The following PANX2 variants were observed in gnomAD, a reference collection of about 807,000 sequenced individuals.
The protein encoded by PANX2 is pannexin 2, also known as pannexin-2.
A neutral mutation model predicts 38.7 loss-of-function variants in PANX2; 30 were observed. That is an observed-to-expected ratio of 0.78 (90% CI 0.58 to 1.05). The LOEUF is 1.05. Among genes scored for constraint, PANX2 ranks in the 50% least tolerant of loss-of-function variants. The pLI is 0.00. For missense variants in PANX2, 880 were observed against 979.3 expected (o/e 0.90, Z 1.35); for synonymous variants, 539 against 472.1 (o/e 1.14, Z -1.84).
Position 50,177,477 on chromosome 22 carries a change from C to T in PANX2, c.765C>T (p.Asn255=). 1.9e-6 allele frequency: 3 copies of T among 1,609,128 alleles called. No individual in the cohort carries two copies. The highest frequency in any genetic ancestry group is 2.5e-6 in the Non-Finnish European group (3 of 1,178,292). Reference sequence around the variant, plus strand: ...CCTACTACGCCACGCAGAAGCAGAACGAGTTCACCTGCGCGCTGGGCGCGT... The same window carrying T: ...CCTACTACGCCACGCAGAAGCAGAATGAGTTCACCTGCGCGCTGGGCGCGT... ...LCTYYATQKQ[N]EFTCALGASP... The change falls in exon 2 of 3, where the codon AAC becomes AAT. Residue 255 remains asparagine (N), a synonymous_variant. Coordinates refer to ENST00000395842, the MANE Select transcript of PANX2 (RefSeq NM_052839.4).
Position 50,173,100 on chromosome 22 carries a change from G to A in PANX2, c.226+2144G>A, listed in dbSNP as rs547410102. On this transcript the variant is annotated intron_variant, in intron 1 of 2. Coordinates refer to ENST00000395842, the MANE Select transcript of PANX2 (RefSeq NM_052839.4). Reference sequence around the variant, plus strand: ...TTTAGTAGAGACGGGGTTTTGCCATGTTGGCCAGGATGGTCTCGATCTCCT... The same window carrying A: ...TTTAGTAGAGACGGGGTTTTGCCATATTGGCCAGGATGGTCTCGATCTCCT... Among the ~76,000 whole-genome samples the A allele has an allele frequency of 1.0e-3, 156 of 152,254 alleles. 3 individuals carry two copies. Among genetic ancestry groups the A allele is most frequent in the Non-Finnish European group, 3.1e-4 (21 of 68,016 alleles).
At chr22:50,172,885 C>T (rs797008941) in intron 1 of PANX2, among the ~76,000 whole-genome samples, 518 of 145,346 alleles carry the variant, frequency 3.6e-3, no homozygotes, top group South Asian at 0.021. Flanking sequence ...CCCGCCACCA[C>T]GCCTGGCTCA....
intron 2 of PANX2, 88 bp from the exon 3 acceptor site, chr22:50,178,846 T>A: frequency 8.2e-7 from 1 of 1,220,552 alleles, no homozygotes; most frequent in Middle Eastern, 2.0e-4. Flanking sequence ...CCGTGAGCCC[T>A]GCTCCCCCGC....
chr22:50,178,939 C>T lies in PANX2; in HGVS notation c.1696C>T (p.Pro566Ser). The T allele has an allele frequency of 6.4e-7, 1 of 1,567,848 alleles. No homozygotes were observed. Among genetic ancestry groups the T allele is most frequent in the Non-Finnish European group, 8.7e-7 (1 of 1,155,054 alleles). ...GLAPAPIKDA[P>S]LPEKEIPYPT... ...GTGCTCTTGGCTGTTTGCAGATGCT[C>T]CGCTCCCCGAGAAGGAAATCCCGTA... is the stretch of plus-strand genomic sequence containing the variant. Residue 566 changes from proline to serine, a missense_variant, in exon 3 of 3, where the codon CCG (proline) becomes TCG (serine). This residue lies in a region of PANX2 where 445 missense variants were observed against 404.3 expected (regional missense o/e 1.10). Coordinates refer to ENST00000395842, the MANE Select transcript of PANX2 (RefSeq NM_052839.4).
At position 50,179,537 on chromosome 22, in the gene PANX2, G is replaced by A. The variant is rs978571023; in HGVS notation, c.*260G>A. 13 of 518,152 alleles carry A rather than the reference G, an allele frequency of 2.5e-5. No homozygotes were observed. The highest frequency in any genetic ancestry group is 7.1e-5 in the South Asian group (3 of 42,390). The allele number at this position is 518,152 out of a possible 1,614,324, so 32.1% of individuals were successfully genotyped here. On this transcript the variant is annotated 3_prime_UTR_variant, in exon 3 of 3. Coordinates refer to ENST00000395842, the MANE Select transcript of PANX2 (RefSeq NM_052839.4). ...CCGGTGGCCAGGAAGGCTGAAGCCC[G>A]CTTCCCATGCTCCTGCATCAGGTGC...
chr22:50,176,961 C>A lies in PANX2; in HGVS notation c.249C>A (p.Thr83=). Residue 83 remains threonine, a synonymous_variant, in exon 2 of 3, where the codon ACC becomes ACA. Coordinates refer to ENST00000395842, the MANE Select transcript of PANX2 (RefSeq NM_052839.4). ...CAGAGGAACCCATTTACTGTTACAC[C>A]CCGCACAACTTCACGCGCGACCAGG... is the stretch of plus-strand genomic sequence containing the variant. ...NFAEEPIYCY[T]PHNFTRDQAL... is the part of the protein sequence containing the mutation. 6.4e-7 allele frequency: 1 copy of A among 1,553,324 alleles called. No homozygotes were observed. The highest frequency in any genetic ancestry group is 8.6e-7 in the Non-Finnish European group (1 of 1,157,618).
intron 1 of PANX2, among the ~76,000 whole-genome samples, chr22:50,173,053 T>G (rs909589821): frequency 6.6e-6 from 1 of 152,078 alleles, no homozygotes; most frequent in East Asian, 1.9e-4. Context: ...CCCGCCACCA[T>G]GCCCGGCTAA....
chr22:50,177,515 C>T lies in PANX2; in HGVS notation c.803C>T (p.Ala268Val). The change falls in exon 2 of 3, where the codon GCG becomes GTG. Residue 268 changes from alanine to valine, a missense_variant. Physicochemically the swap from Ala to Val is moderately conservative, Grantham distance 64. Transcript: ENST00000395842. ...GCGCTGGGCGCGTCCCCGGACGGGG[C>T]GGCAGGTGCGGGGCCCGCGGTGCGC... The part of the protein sequence containing the change: ...TCALGASPDG[A>V]AGAGPAVRVS... 1 of 1,609,208 alleles carries T rather than the reference C, an allele frequency of 6.2e-7. No individual in the cohort carries two copies. The highest frequency in any genetic ancestry group is 8.5e-7 in the Non-Finnish European group (1 of 1,178,168).
At chr22:50,175,116 C>A (rs558513646) in intron 1 of PANX2, among the ~76,000 whole-genome samples, 1 of 152,228 alleles carries the variant, frequency 6.6e-6, no homozygotes, top group African/African-American at 2.4e-5. Flanking sequence ...CTTGCTGCCG[C>A]CATCCGGCAG....
At position 50,179,697 on chromosome 22, in the gene PANX2, G is replaced by A. The variant is rs1375631200; in HGVS notation, c.*420G>A. 1 of 193,572 alleles carries A rather than the reference G, an allele frequency of 5.2e-6. No individual in the cohort carries two copies. Among genetic ancestry groups the A allele is most frequent in the Non-Finnish European group, 1.1e-5 (1 of 92,636 alleles). The allele number at this position is 193,572 out of a possible 1,614,324, so 12.0% of individuals were successfully genotyped here. On this transcript the variant is annotated 3_prime_UTR_variant, in exon 3 of 3. Coordinates refer to ENST00000395842, the MANE Select transcript of PANX2 (RefSeq NM_052839.4). The stretch of plus-strand genomic sequence containing the variant: ...CCCAGAGCCAGGGAAGAGGAAGGTG[G>A]GGCCAGTCCCACCAGTGGGGTGGCC...
At position 50,170,910 on chromosome 22, in the gene PANX2, G is replaced by A. The variant is rs778297753; in HGVS notation, c.180G>A (p.Leu60=). Residue 60 remains leucine (L), a synonymous_variant, in exon 1 of 3, where the codon CTG becomes CTA. Coordinates refer to ENST00000395842, the MANE Select transcript of PANX2 (RefSeq NM_052839.4). ...GGGTGGTCACCATCGGCACCGTGCT[G>A]GTGCCCATCCTGCTGGTCACCCTGG... ...FDRVVTIGTV[L]VPILLVTLVF... is the part of the protein sequence containing the mutation. The A allele has an allele frequency of 6.5e-7, 1 of 1,530,292 alleles. No homozygotes were observed. The highest frequency in any genetic ancestry group is 8.8e-7 in the Non-Finnish European group (1 of 1,138,784). 94.8% of individuals were successfully genotyped at this position (1,530,292 alleles called of 1,614,324 possible).
chr22:50,174,689 G>C (rs1029401897), intron 1 of PANX2, among the ~76,000 whole-genome samples: 2 of 152,240 alleles, frequency 1.3e-5, no homozygotes, highest in African/African-American at 4.8e-5. Flanking sequence ...ACTGGCCCAG[G>C]CAGGGTCCCA....
intron 1 of PANX2, among the ~76,000 whole-genome samples, chr22:50,173,117 C>G (rs139948926): frequency 2.0e-5 from 3 of 151,946 alleles, no homozygotes; most frequent in Non-Finnish European, 4.4e-5. Context: ...AGGATGGTCT[C>G]GATCTCCTGA....
chr22:50,175,114 C>T (rs1004337360), intron 1 of PANX2, among the ~76,000 whole-genome samples: 13 of 152,164 alleles, frequency 8.5e-5, no homozygotes, highest in African/African-American at 3.1e-4. Flanking sequence ...CCCTTGCTGC[C>T]GCCATCCGGC....
chr22:50,179,087 C>G lies in PANX2; in HGVS notation c.1844C>G (p.Thr615Ser), dbSNP rs1276080896. The G allele has an allele frequency of 6.2e-7, 1 of 1,611,606 alleles. No individual in the cohort carries two copies. Among genetic ancestry groups the G allele is most frequent in the Admixed American group, 1.7e-5 (1 of 59,870 alleles). The change falls in exon 3 of 3, where the codon ACC (threonine) becomes AGC (serine). Residue 615 changes from threonine to serine, a missense_variant. By Grantham distance (58) the Thr-to-Ser change is moderately conservative (BLOSUM62 1). Around this residue, in one of 4 missense-constraint regions of PANX2, gnomAD observed 445 missense variants for 404.3 expected, o/e 1.10. Transcript: ENST00000395842. Reference protein sequence around the residue: ...PASLGKAEPLTILSRNATHPL... With the variant: ...PASLGKAEPLSILSRNATHPL... ...AGCCTGGGCAAGGCGGAGCCCCTCA[C>G]CATCCTGAGCCGAAACGCCACACAC...
intron 1 of PANX2, among the ~76,000 whole-genome samples, chr22:50,174,752 C>T (rs1418647439): frequency 1.3e-5 from 2 of 152,214 alleles, no homozygotes; most frequent in South Asian, 2.1e-4. Context: ...CCGTAGCAGT[C>T]GCTGCGTGTG....
In PANX2 at chr22:50,179,046, C is replaced by T. The variant is rs753800467; in HGVS notation, c.1803C>T (p.Ala601=). 7.4e-6 allele frequency: 12 copies of T among 1,610,958 alleles called. No homozygotes were observed. In the South Asian group the frequency reaches 1.2e-4, roughly 16 times the overall value. ...CACCTCCCGCCGCCCCTGCTGTGGC[C>T]CCTCTGACACCAGCCAGCCTGGGCA... ...VRSPPAAPAV[A]PLTPASLGKA... is the part of the protein sequence containing the mutation. Residue 601 remains alanine (A), a synonymous_variant, in exon 3 of 3, where the codon GCC becomes GCT. Transcript: ENST00000395842.
chr22:50,178,110 G>A lies in PANX2; in HGVS notation c.1398G>A (p.Lys466=). 6.5e-7 allele frequency: 1 copy of A among 1,543,418 alleles called. No individual in the cohort carries two copies. The highest frequency in any genetic ancestry group is 8.7e-7 in the Non-Finnish European group (1 of 1,153,646). ...KAEKPKPARR[K]TATDTLIAPL... ...AGAAGCCGAAGCCCGCGCGCAGGAA[G>A]ACGGCCACGGACACGCTGATCGCGC... Residue 466 remains lysine, a synonymous_variant, in exon 2 of 3, where the codon AAG becomes AAA. Coordinates refer to ENST00000395842, the MANE Select transcript of PANX2 (RefSeq NM_052839.4).
At chr22:50,178,502 G>A (rs1464567044) in intron 2 of PANX2, 100 bp downstream of exon 2, 7 of 780,510 alleles carry the variant, frequency 9.0e-6, no homozygotes, top group Middle Eastern at 3.9e-4. Flanking sequence ...GCTAGGGAAG[G>A]GAGGGGGCCT....
Sources: allele counts gnomAD v4.1 joint callset (sites outside exome capture counted in the v4.1 genomes callset), GRCh38; gene constraint gnomAD v4.1.1; regional missense constraint gnomAD v4.1.1; transcripts MANE v1.5; gene names NCBI Gene and HGNC (gene_info 2026-07-23, HGNC 2026-07-21).